RFT1: variants seen among roughly 807,000 people sequenced by gnomAD.
RFT1 encodes the protein RFT1 glycolipid translocator homolog.
A neutral mutation model predicts 62.2 loss-of-function variants in RFT1; 43 were observed. That is an observed-to-expected ratio of 0.69 (90% CI 0.54 to 0.89). RFT1 has a LOEUF of 0.89. RFT1 is among the 40% of genes least tolerant of loss of function. The pLI, the probability that RFT1 is intolerant of heterozygous loss-of-function variation, is 0.00. For missense variants in RFT1, 605 were observed against 649.9 expected (o/e 0.93, Z 0.75); for synonymous variants, 262 against 264.6 (o/e 0.99, Z 0.10).
chr3:53,103,170 A>C (rs1249069070), intron 10 of RFT1: 1 of 985,350 alleles, frequency 1.0e-6, no homozygotes, highest in South Asian at 4.7e-5. Context: ...AGTGGAGACT[A>C]AAACATGCTA....
chr3:53,114,702 G>C (rs1270920458), intron 6 of RFT1, among the ~76,000 whole-genome samples: 1 of 135,286 alleles, frequency 7.4e-6, no homozygotes, highest in East Asian at 2.2e-4. Flanking sequence ...GAATTTCCCT[G>C]GAATACCCTG....
chr3:53,108,959 G>A (rs1419153466), intron 7 of RFT1, among the ~76,000 whole-genome samples: 2 of 152,076 alleles, frequency 1.3e-5, no homozygotes, highest in Admixed American at 6.6e-5. Context: ...GTGAGCCACC[G>A]TGCCGGGCCA....
intron 1 of RFT1, among the ~76,000 whole-genome samples, chr3:53,127,634 C>G (rs1702143570): frequency 7.0e-6 from 1 of 142,670 alleles, no homozygotes; most frequent in Non-Finnish European, 1.5e-5. Context: ...GCCTGGGCGA[C>G]AGAGCTAGAC....
chr3:53,100,690 T>C (rs1381924615), intron 10 of RFT1, among the ~76,000 whole-genome samples: 5 of 152,204 alleles, frequency 3.3e-5, no homozygotes, highest in Admixed American at 6.5e-5. Context: ...CTGCATTTCA[T>C]TGATATAAAA....
chr3:53,093,451 C>T (rs1701053136), intron 11 of RFT1, among the ~76,000 whole-genome samples: 1 of 152,152 alleles, frequency 6.6e-6, no homozygotes, highest in Non-Finnish European at 1.5e-5. Context: ...CTTGTACAGC[C>T]AAGAACAAAA....
chr3:53,113,987 GTTATCTC>G (rs1701722672), intron 6 of RFT1, among the ~76,000 whole-genome samples: 1 of 152,180 alleles, frequency 6.6e-6, no homozygotes, highest in Non-Finnish European at 1.5e-5. Context: ...CAGATGCCAG[GTTATCTC>G]TTTAGCCCAG....
At chr3:53,111,695 G>T (rs1701653048) in intron 7 of RFT1, 135 bp downstream of exon 7, 2 of 755,496 alleles carry the variant, frequency 2.6e-6, no homozygotes, top group Non-Finnish European at 4.8e-6. Flanking sequence ...TCCGTATTAA[G>T]CCCCCTCCTC....
chr3:53,112,615 T>G (rs548565108), intron 6 of RFT1, among the ~76,000 whole-genome samples: 120 of 152,228 alleles, frequency 7.9e-4, no homozygotes, highest in Non-Finnish European at 1.4e-3. Context: ...TGGTGCTACG[T>G]GTCTGTAATC....
At position 53,090,953 on chromosome 3, in the gene RFT1, A is replaced by G. The variant is rs1399786658; in HGVS notation, c.*950T>C. On this transcript the variant is annotated 3_prime_UTR_variant, in exon 13 of 13. Coordinates refer to ENST00000296292, the MANE Select transcript of RFT1 (RefSeq NM_052859.4). ...TGATCAATGCTGGAATTAATGGGTC[A>G]ACGGGAGGGACCTGACTCAGTAATA... 6.6e-6 allele frequency: 1 copy of G among 152,204 alleles called. No individual in the cohort carries two copies. The highest frequency in any genetic ancestry group is 2.4e-5 in the African/African-American group (1 of 41,430). 9.4% of individuals were successfully genotyped at this position (152,204 alleles called of 1,614,324 possible).
Position 53,106,303 on chromosome 3 carries a change from C to T in RFT1, c.827-500G>A, listed in dbSNP as rs2107117434. 2.0e-5 allele frequency among the ~76,000 whole-genome samples: 3 copies of T among 152,186 alleles called. 1 individual carries two copies. The South Asian group carries it at 6.2e-4, about 32-fold the overall frequency. On this transcript the variant is annotated intron_variant, in intron 8 of 12. Coordinates refer to ENST00000296292, the MANE Select transcript of RFT1 (RefSeq NM_052859.4). Reference sequence around the variant, plus strand: ...AGAGGGATCCCATATATACCCTTTACCCAGTGGTAACATTTTGTAAAACTA... The same window carrying T: ...AGAGGGATCCCATATATACCCTTTATCCAGTGGTAACATTTTGTAAAACTA...
Position 53,120,020 on chromosome 3 carries a change from A to C in RFT1, c.560T>G (p.Leu187Arg). ...GAGCACCAGAACTGTGGTATAGAAAAGCTGAGAAAAAAAATAAACTGTTTT... is the reference window on the plus strand; with the variant it reads ...GAGCACCAGAACTGTGGTATAGAAACGCTGAGAAAAAAAATAAACTGTTTT... ...WGLYIFSLAQLFYTTVLVLCY... is the reference protein window; with the variant it reads ...WGLYIFSLAQRFYTTVLVLCY... Residue 187 changes from leucine (L) to arginine (R), a missense_variant and splice_region_variant, in exon 6 of 13, where the codon CTT becomes CGT. Leu to Arg is a moderately radical substitution (Grantham distance 102, BLOSUM62 -2). Transcript: ENST00000296292. The C allele has an allele frequency of 6.3e-7, 1 of 1,590,380 alleles. No individual in the cohort carries two copies. The highest frequency in any genetic ancestry group is 8.5e-7 in the Non-Finnish European group (1 of 1,172,324).
At chr3:53,082,828 G>T in the RFT1 span, among the ~76,000 whole-genome samples, 1 of 152,172 alleles carries the variant, frequency 6.6e-6, no homozygotes, top group Non-Finnish European at 1.5e-5. Flanking sequence ...ATAATGGAAG[G>T]CATGGACGCA....
chr3:53,121,670 T>C lies in RFT1; in HGVS notation c.558+29A>G, dbSNP rs746347809. ...AAACCAGTTGGAGAAACAAAGATCATATAAAAAGTTAAAAGCCATGATTCT... is the reference window on the plus strand; with the variant it reads ...AAACCAGTTGGAGAAACAAAGATCACATAAAAAGTTAAAAGCCATGATTCT... On this transcript the variant is annotated intron_variant, in intron 5 of 12. Transcript: ENST00000296292. 6 of 1,526,182 alleles carry C rather than the reference T, an allele frequency of 3.9e-6. No homozygotes were observed. The African/African-American group carries it at 6.9e-5, about 18-fold the overall frequency. 94.5% of individuals were successfully genotyped at this position (1,526,182 alleles called of 1,614,324 possible).
chr3:53,120,165 C>T, intron 5 of RFT1, 144 bp from the exon 6 acceptor site: 1 of 668,516 alleles, frequency 1.5e-6, no homozygotes, highest in South Asian at 2.2e-5. Flanking sequence ...GGAAATGGCA[C>T]TAGTCACTTA....
At position 53,125,922 on chromosome 3, in the gene RFT1, C is replaced by T. The variant is rs141174358; in HGVS notation, c.136G>A (p.Val46Ile). 231 of 1,613,362 alleles carry T rather than the reference C, an allele frequency of 1.4e-4. No individual in the cohort carries two copies. The highest frequency in any genetic ancestry group is 4.9e-4 in the Middle Eastern group (3 of 6,084). ...ATCTCCTCCTACCTTACATTTACTA[C>T]GCCAACGATTTCCTTTGACAGGAAG... ...LRFLSKEIVGVVNVRLTLLYS... is the reference protein window; with the variant it reads ...LRFLSKEIVGIVNVRLTLLYS... Residue 46 changes from valine to isoleucine, a missense_variant, in exon 2 of 13, where the codon GTA (valine) becomes ATA (isoleucine). Coordinates refer to ENST00000296292, the MANE Select transcript of RFT1 (RefSeq NM_052859.4).
chr3:53,130,207 C>G, intron 1 of RFT1, 131 bp downstream of exon 1: 1 of 928,422 alleles, frequency 1.1e-6, no homozygotes, highest in Non-Finnish European at 1.7e-6. Context: ...CGGTCGACCC[C>G]CCCACCCCCT....
At position 53,106,840 on chromosome 3, in the gene RFT1, C is replaced by T. The variant is rs1327265310; in HGVS notation, c.805G>A (p.Val269Ile). ...GERYVMTFLNVLNFGDQGVYD... is the reference protein window; with the variant it reads ...GERYVMTFLNILNFGDQGVYD... ...TTACCCTGATCACCAAAGTTCAATA[C>T]ATTCAAAAATGTCATCACATATCGC... Residue 269 changes from valine to isoleucine, a missense_variant, in exon 8 of 13, where the codon GTA (valine) becomes ATA (isoleucine). By Grantham distance (29) the Val-to-Ile change is conservative (BLOSUM62 3). Coordinates refer to ENST00000296292, the MANE Select transcript of RFT1 (RefSeq NM_052859.4). The T allele has an allele frequency of 1.2e-6, 2 of 1,613,222 alleles. No homozygotes were observed. Among genetic ancestry groups the T allele is most frequent in the African/African-American group, 1.3e-5 (1 of 74,896 alleles).
chr3:53,120,463 G>A (rs575533312), intron 5 of RFT1, among the ~76,000 whole-genome samples: 2 of 152,188 alleles, frequency 1.3e-5, no homozygotes, highest in Non-Finnish European at 2.9e-5. Context: ...CCGGAAACCT[G>A]TGCCATTAAT....
rs1701247603 is a variant in RFT1 at position 53,099,430 on chromosome 3, C to T, written c.1159G>A (p.Val387Met). The T allele has an allele frequency of 6.2e-7, 1 of 1,614,166 alleles. No individual in the cohort carries two copies. ...GCAGCAAATGTGAAACACTCTGTCA[C>T]TCCATTGATGGCAAGCAGGAGAACA... The part of the protein sequence containing the change: ...LYVLLLAING[V>M]TECFTFAAMS... The change falls in exon 11 of 13, where the codon GTG becomes ATG. Residue 387 changes from valine (V) to methionine (M), a missense_variant. Transcript: ENST00000296292.
Sources: allele counts gnomAD v4.1 joint callset (sites outside exome capture counted in the v4.1 genomes callset), GRCh38; gene constraint gnomAD v4.1.1; transcripts MANE v1.5; gene names NCBI Gene and HGNC (gene_info 2026-07-23, HGNC 2026-07-21).